The following CCDC7 variants were observed in gnomAD, a reference collection of about 807,000 sequenced individuals.
CCDC7 encodes coiled-coil domain-containing protein 7.
In CCDC7, 183 loss-of-function variants were observed where a neutral mutation model predicts 196.9. The observed-to-expected ratio is 0.93, with a 90% confidence interval of 0.82 to 1.05. CCDC7 has a LOEUF of 1.05. CCDC7 is among the 50% of genes least tolerant of loss of function. The pLI is 0.00. For missense variants in CCDC7, 1,540 were observed against 1,482.2 expected (o/e 1.04, Z -0.64); for synonymous variants, 525 against 484.6 (o/e 1.08, Z -1.10).
At position 32,567,881 on chromosome 10, in the gene CCDC7, AATAT is replaced by A; in HGVS notation, c.1410_1413del (p.Glu470AspfsTer11). The stretch of plus-strand genomic sequence containing the variant: ...CAAAGGACAAGTGATAAAATCCAAG[AATAT>A]CCACAGGTGAGGAAATAACCAAAAT... On this transcript the variant is annotated frameshift_variant, in exon 15 of 42. Transcript: ENST00000639629. LOFTEE classifies it high-confidence loss of function. 6.2e-7 allele frequency: 1 copy of A among 1,612,954 alleles called. No homozygotes were observed. The highest frequency in any genetic ancestry group is 8.5e-7 in the Non-Finnish European group (1 of 1,179,664).
At chr10:32,797,159 GTA>G (rs2083720472) in intron 29 of CCDC7, among the ~76,000 whole-genome samples, 1 of 150,634 alleles carries the variant, frequency 6.6e-6, no homozygotes, top group African/African-American at 2.4e-5. Context: ...TGTGGTATGT[GTA>G]TGTATATATG....
At chr10:32,729,985 T>G (rs1720335253) in intron 28 of CCDC7, among the ~76,000 whole-genome samples, 1 of 152,196 alleles carries the variant, frequency 6.6e-6, no homozygotes, top group African/African-American at 2.4e-5. Flanking sequence ...GTATATACTC[T>G]TTTTAAAATC....
chr10:32,688,515 G>C (rs553735167), intron 22 of CCDC7, among the ~76,000 whole-genome samples: 1 of 151,776 alleles, frequency 6.6e-6, no homozygotes, highest in Non-Finnish European at 1.5e-5. Context: ...TAGTATACTA[G>C]ATATTCTCCC....
At chr10:32,641,703 G>T (rs889024246) in intron 20 of CCDC7, among the ~76,000 whole-genome samples, 2 of 152,210 alleles carry the variant, frequency 1.3e-5, no homozygotes, top group Non-Finnish European at 2.9e-5. Context: ...GAGGAGCTGC[G>T]TTCCTTTGGA....
chr10:32,629,073 C>A (rs1462137035), intron 18 of CCDC7, among the ~76,000 whole-genome samples: 2 of 152,100 alleles, frequency 1.3e-5, no homozygotes, highest in African/African-American at 4.8e-5. Context: ...TCTGTATGAT[C>A]TGTCCATTGT....
intron 6 of CCDC7, among the ~76,000 whole-genome samples, chr10:32,471,474 G>A (rs186826076): frequency 7.9e-5 from 12 of 152,222 alleles, no homozygotes; most frequent in East Asian, 5.8e-4. Flanking sequence ...CACACTAGCC[G>A]CATTTAAAGT....
intron 25 of CCDC7, among the ~76,000 whole-genome samples, chr10:32,722,692 A>G (rs1009404024): frequency 1.3e-5 from 2 of 152,014 alleles, no homozygotes; most frequent in African/African-American, 4.8e-5. Flanking sequence ...ATTTTCATTA[A>G]TCTCTGTAAA....
At chr10:32,871,277 A>G (rs2136810225) in intron 41 of CCDC7, among the ~76,000 whole-genome samples, 1 of 151,992 alleles carries the variant, frequency 6.6e-6, no homozygotes, top group African/African-American at 2.4e-5. Flanking sequence ...TCAATTTCAG[A>G]GCCTGTTATT....
chr10:32,476,188 A>G (rs1212809428), intron 8 of CCDC7, among the ~76,000 whole-genome samples: 2 of 152,210 alleles, frequency 1.3e-5, no homozygotes, highest in South Asian at 4.1e-4. Context: ...ATTGCCCCCA[A>G]AATCCCCTGT....
chr10:32,540,755 G>T (rs1453242648), intron 11 of CCDC7, among the ~76,000 whole-genome samples: 1 of 151,962 alleles, frequency 6.6e-6, no homozygotes, highest in Non-Finnish European at 1.5e-5. Context: ...TGATGGGTGG[G>T]GTTCTTTTTG....
intron 41 of CCDC7, among the ~76,000 whole-genome samples, chr10:32,875,458 AT>A (rs2094571872): frequency 6.6e-6 from 1 of 151,718 alleles, no homozygotes; most frequent in Admixed American, 6.6e-5. Context: ...GTGCAGCCTT[AT>A]TTCTGGGCCC....
At chr10:32,709,472 A>C (rs1186389418) in intron 24 of CCDC7, among the ~76,000 whole-genome samples, 2 of 152,130 alleles carry the variant, frequency 1.3e-5, no homozygotes, top group Non-Finnish European at 2.9e-5. Context: ...AGTATAATAA[A>C]AAAATAAATA....
chr10:32,624,521 G>A (rs1025118124), intron 18 of CCDC7, among the ~76,000 whole-genome samples: 1 of 152,116 alleles, frequency 6.6e-6, no homozygotes, highest in African/African-American at 2.4e-5. Flanking sequence ...TGCTTCAAAA[G>A]CAATGTCAAA....
At chr10:32,786,685 C>T (rs2134473654) in intron 29 of CCDC7, among the ~76,000 whole-genome samples, 1 of 152,186 alleles carries the variant, frequency 6.6e-6, no homozygotes, top group East Asian at 1.9e-4. Context: ...TGTTTCAACC[C>T]AGGGGGCAGA....
At chr10:32,660,660 C>A (rs1042506096) in intron 20 of CCDC7, among the ~76,000 whole-genome samples, 1 of 151,942 alleles carries the variant, frequency 6.6e-6, no homozygotes, top group African/African-American at 2.4e-5. Context: ...ATGGCTGGGT[C>A]AAATGGTATT....
At chr10:32,764,027 T>A (rs2077869370) in intron 28 of CCDC7, among the ~76,000 whole-genome samples, 1 of 151,958 alleles carries the variant, frequency 6.6e-6, no homozygotes, top group Non-Finnish European at 1.5e-5. Flanking sequence ...TTAATCATTC[T>A]GCAATGTATA....
intron 30 of CCDC7, among the ~76,000 whole-genome samples, chr10:32,813,594 G>A (rs1288193748): frequency 6.6e-6 from 1 of 152,072 alleles, no homozygotes; most frequent in Non-Finnish European, 1.5e-5. Flanking sequence ...ATGAGGCCAT[G>A]GTTTGCAGCT....
At chr10:32,482,055 C>A (rs1285907116) in intron 8 of CCDC7, among the ~76,000 whole-genome samples, 2 of 151,792 alleles carry the variant, frequency 1.3e-5, no homozygotes, top group Non-Finnish European at 1.5e-5. Context: ...ATATTTGGGA[C>A]ATTTTGAGCC....
intron 8 of CCDC7, among the ~76,000 whole-genome samples, chr10:32,479,266 G>A (rs929437853): frequency 3.3e-5 from 5 of 152,102 alleles, no homozygotes; most frequent in African/African-American, 9.7e-5. Flanking sequence ...TTGAATAGAA[G>A]TGGCAAGAAT....
Sources: gnomAD v4.1 joint callset for allele counts (sites outside exome capture counted in the v4.1 genomes callset) on GRCh38, gnomAD v4.1.1 for gene constraint, MANE v1.5 for transcripts, NCBI Gene and HGNC (gene_info 2026-07-23, HGNC 2026-07-21) for gene names.